Variants in PCDH15 observed in about 807,000 individuals in gnomAD.
The protein encoded by PCDH15 is protocadherin related 15.
Under a neutral mutation model 178.5 loss-of-function variants are expected in PCDH15, and 129 were observed. The ratio of observed to expected loss-of-function variants is 0.72; its 90% CI spans 0.63 to 0.84. The LOEUF (loss-of-function observed/expected upper bound fraction) is 0.84, where lower values mean the gene tolerates loss of function less well. PCDH15 is among the 40% of genes least tolerant of loss of function. The pLI is 0.00. For missense variants in PCDH15, 2,230 were observed against 2,099.9 expected (o/e 1.06, Z -1.21); for synonymous variants, 800 against 732.0 (o/e 1.09, Z -1.50).
In PCDH15 at chr10:54,378,885, G is replaced by A. The variant is rs1189952332; in HGVS notation, c.215C>T (p.Thr72Ile). ...ATTATCCTTTAAAGAAAGTTCTATG[G>A]TGGGGTCTGGTCCTCCAGCAGTCCC... ...IKGTAGGPDP[T>I]IELSLKDNVD... The change falls in exon 4 of 38, where the codon ACC becomes ATC. Residue 72 changes from threonine (T) to isoleucine (I), a missense_variant. Coordinates refer to ENST00000644397, the MANE Select transcript of PCDH15 (RefSeq NM_001384140.1). 6.2e-7 allele frequency: 1 copy of A among 1,613,682 alleles called. No homozygotes were observed. Among genetic ancestry groups the A allele is most frequent in the Admixed American group, 1.7e-5 (1 of 59,956 alleles).
chr10:55,390,063 T>G (rs902835764), intron 2 of PCDH15, among the ~76,000 whole-genome samples: 2 of 152,190 alleles, frequency 1.3e-5, no homozygotes, highest in East Asian at 3.8e-4. Flanking sequence ...TATTGCGGGT[T>G]TAGTTCCAGA....
intron 32 of PCDH15, chr10:53,822,621 G>A (rs529320303): frequency 6.2e-7 from 1 of 1,614,040 alleles, no homozygotes; most frequent in African/African-American, 1.3e-5. Flanking sequence ...AGGCCTTGAA[G>A]GAGAAAGTTC....
At chr10:55,474,267 A>C (rs1255587756) in intron 2 of PCDH15, among the ~76,000 whole-genome samples, 1 of 152,244 alleles carries the variant, frequency 6.6e-6, no homozygotes, top group Non-Finnish European at 1.5e-5. Flanking sequence ...CAGAGATCTT[A>C]CTACAGTACA....
intron 1 of PCDH15, among the ~76,000 whole-genome samples, chr10:54,784,105 A>T (rs1950618047): frequency 6.6e-6 from 1 of 152,032 alleles, no homozygotes; most frequent in South Asian, 2.1e-4. Flanking sequence ...AACAGCATGC[A>T]AGAAATTGCC....
At chr10:55,083,145 T>A (rs1170799514) in intron 2 of PCDH15, among the ~76,000 whole-genome samples, 11 of 149,846 alleles carry the variant, frequency 7.3e-5, no homozygotes, top group Non-Finnish European at 1.5e-4. Flanking sequence ...GATGAAAAAA[T>A]TTGCAAAAAA....
intron 18 of PCDH15, among the ~76,000 whole-genome samples, chr10:54,043,428 C>A (rs1489584621): frequency 1.3e-5 from 2 of 151,884 alleles, no homozygotes; most frequent in Non-Finnish European, 2.9e-5. Context: ...GGTCTCACTC[C>A]CATTTCCCAG....
chr10:55,127,634 G>C (rs1837936142), intron 2 of PCDH15, among the ~76,000 whole-genome samples: 1 of 152,036 alleles, frequency 6.6e-6, no homozygotes, highest in Non-Finnish European at 1.5e-5. Flanking sequence ...CGATCCCAAA[G>C]ATAGCTGCTG....
intron 2 of PCDH15, among the ~76,000 whole-genome samples, chr10:55,342,991 C>A (rs1186659744): frequency 1.3e-5 from 2 of 152,030 alleles, no homozygotes; most frequent in African/African-American, 4.8e-5. Context: ...AATGGGAAAA[C>A]CAAATGCATA....
At chr10:54,338,944 A>G in intron 6 of PCDH15, among the ~76,000 whole-genome samples, 1 of 152,336 alleles carries the variant, frequency 6.6e-6, no homozygotes, top group East Asian at 1.9e-4. Flanking sequence ...GAGATTTAAT[A>G]TATCAGAATA....
At chr10:54,909,945 TC>T (rs1954791039) in intron 2 of PCDH15, among the ~76,000 whole-genome samples, 1 of 152,096 alleles carries the variant, frequency 6.6e-6, no homozygotes, top group East Asian at 1.9e-4. Flanking sequence ...CTGGGGACTG[TC>T]CTTCTCTTCT....
intron 20 of PCDH15, among the ~76,000 whole-genome samples, chr10:54,014,990 G>C (rs1028131223): frequency 2.0e-5 from 3 of 152,076 alleles, no homozygotes; most frequent in Non-Finnish European, 4.4e-5. Flanking sequence ...CAGATGATAT[G>C]ATTCTACACC....
intron 2 of PCDH15, among the ~76,000 whole-genome samples, chr10:55,509,159 G>A (rs374234647): frequency 6.6e-6 from 1 of 151,604 alleles, no homozygotes; most frequent in African/African-American, 2.4e-5. Flanking sequence ...ACATCCAAAC[G>A]TCTGGGCTGA....
At chr10:55,079,904 T>A (rs1841994759) in intron 2 of PCDH15, among the ~76,000 whole-genome samples, 2 of 152,224 alleles carry the variant, frequency 1.3e-5, no homozygotes, top group South Asian at 2.1e-4. Flanking sequence ...CTGGTAAAGA[T>A]AAACTGATGG....
rs373653884 is a variant in PCDH15, at chr10:54,462,741, C to T, written c.157+65071G>A. 1.2e-4 allele frequency among the ~76,000 whole-genome samples: 16 copies of T among 137,410 alleles called. No individual in the cohort carries two copies. In the East Asian group the frequency reaches 1.9e-3, roughly 16 times the overall value. The allele number at this position is 137,410 out of a possible 152,430, so 90.1% of individuals were successfully genotyped here. On this transcript the variant is annotated intron_variant, in intron 3 of 37. Coordinates refer to ENST00000644397, the MANE Select transcript of PCDH15 (RefSeq NM_001384140.1). Reference sequence around the variant, plus strand: ...AGAGACAGGGTTTTGCTATGTGGCCCGGCTGGTCTCAAGTTCCTGACTTTG... The same window carrying T: ...AGAGACAGGGTTTTGCTATGTGGCCTGGCTGGTCTCAAGTTCCTGACTTTG...
intron 2 of PCDH15, among the ~76,000 whole-genome samples, chr10:54,553,146 G>T (rs1195584626): frequency 1.3e-5 from 2 of 152,118 alleles, no homozygotes; most frequent in South Asian, 2.1e-4. Flanking sequence ...TGTGCTTTTT[G>T]ATTACAATGT....
intron 3 of PCDH15, among the ~76,000 whole-genome samples, chr10:54,388,107 A>G (rs1950131413): frequency 6.6e-6 from 1 of 152,152 alleles, no homozygotes; most frequent in East Asian, 1.9e-4. Flanking sequence ...GTACACTCAG[A>G]TATGTTTACA....
intron 2 of PCDH15, among the ~76,000 whole-genome samples, chr10:55,097,257 C>A (rs1385517827): frequency 6.6e-6 from 1 of 152,084 alleles, no homozygotes; most frequent in East Asian, 1.9e-4. Context: ...CAAAACATTA[C>A]ATGCAACTTA....
At chr10:55,545,559 C>T (rs1176070194) in intron 2 of PCDH15, among the ~76,000 whole-genome samples, 7 of 148,574 alleles carry the variant, frequency 4.7e-5, no homozygotes, top group African/African-American at 1.5e-4. Flanking sequence ...TACAGGCGCA[C>T]GCTGCCACAC....
intron 1 of PCDH15, among the ~76,000 whole-genome samples, chr10:54,756,331 G>A (rs559323612): frequency 1.3e-5 from 2 of 152,118 alleles, no homozygotes; most frequent in East Asian, 1.9e-4. Context: ...TATTACTGAC[G>A]TGTCCCTATC....
Sources: gnomAD v4.1 joint callset for allele counts (sites outside exome capture counted in the v4.1 genomes callset) on GRCh38, gnomAD v4.1.1 for gene constraint, MANE v1.5 for transcripts, NCBI Gene and HGNC (gene_info 2026-07-23, HGNC 2026-07-21) for gene names.